The following ACAA1 variants were observed in gnomAD, a reference collection of about 807,000 sequenced individuals.
ACAA1 encodes the protein 3-ketoacyl-CoA thiolase, peroxisomal.
ACAA1 carries 44 observed loss-of-function variants against 48.8 expected under a neutral mutation model. That is an observed-to-expected ratio of 0.90 (90% confidence interval 0.71 to 1.16). The LOEUF is 1.16. ACAA1 is among the 50% of genes most tolerant of loss of function. The probability of loss-of-function intolerance (pLI) is 0.00; values close to 1 mark genes in which losing one functional copy is unlikely to be tolerated. For missense variants in ACAA1, 512 were observed against 562.3 expected, an observed-to-expected ratio of 0.91 and a Z score of 0.90; for synonymous variants, 233 against 226.5, an observed-to-expected ratio of 1.03 and a Z score of -0.26.
At chr3:38,123,810 C>T (rs570161120) in intron 11 of ACAA1, 2 of 152,146 alleles carry the variant, frequency 1.3e-5, no homozygotes, top group South Asian at 2.1e-4. Context: ...AGACCAGCCT[C>T]GCCAACATGG....
In ACAA1 at chr3:38,126,136, G is replaced by T. The variant is rs751479872; in HGVS notation, c.997+26C>A. ...AGCTGCAGGATCCAGGTGGGACCCA[G>T]ATACTATATGAAGGAGCCACCTTAC... On this transcript the variant is annotated intron_variant, in intron 9 of 11. Transcript: ENST00000333167. This position sits in a 1 kb window ranked among gnomAD's most constrained non-coding sequence, Gnocchi z 4.7. The T allele has an allele frequency of 1.2e-6, 2 of 1,607,730 alleles. No individual in the cohort carries two copies.
Position 38,136,615 on chromosome 3 carries a change from T to C in ACAA1, c.242A>G (p.Glu81Gly). The C allele has an allele frequency of 2.5e-6, 4 of 1,614,038 alleles. No homozygotes were observed. The highest frequency in any genetic ancestry group is 3.4e-6 in the Non-Finnish European group (4 of 1,180,000). Residue 81 changes from glutamate to glycine, a missense_variant, in exon 2 of 12, where the codon GAA (glutamate) becomes GGA (glycine). Physicochemically the swap from Glu to Gly is moderately conservative, Grantham distance 98. Coordinates refer to ENST00000333167, the MANE Select transcript of ACAA1 (RefSeq NM_001607.4). ...AVLKDVNLRP[E>G]QLGDICVGNV... Reference sequence around the variant, plus strand: ...ACCGACACAGATGTCCCCCAGCTGTTCCGGCCTCAGATTCACGTCCTTGAG... The same window carrying C: ...ACCGACACAGATGTCCCCCAGCTGTCCCGGCCTCAGATTCACGTCCTTGAG...
At chr3:38,136,518 G>T in intron 2 of ACAA1, 74 bp downstream of exon 2, 2 of 1,540,078 alleles carry the variant, frequency 1.3e-6, no homozygotes, top group East Asian at 2.3e-5. Context: ...AATTCGGGGC[G>T]GGGAGGTGAG....
At position 38,122,744 on chromosome 3, in the gene ACAA1, G is replaced by A. The variant is rs2125759637; in HGVS notation, c.*303C>T. 1 of 1,289,446 alleles carries A rather than the reference G, an allele frequency of 7.8e-7. No homozygotes were observed. Among genetic ancestry groups the A allele is most frequent in the South Asian group, 1.6e-5 (1 of 63,230 alleles). 79.9% of individuals were successfully genotyped at this position (1,289,446 alleles called of 1,614,324 possible). A position where few individuals can be genotyped will look rare whatever the true frequency, so the allele number is the denominator to read the frequency against. ...TTCATGCACTTTTACTATGCCCATTGCACTTCTCATCCATGGATTTGCCTT... is the reference window on the plus strand; with the variant it reads ...TTCATGCACTTTTACTATGCCCATTACACTTCTCATCCATGGATTTGCCTT... On this transcript the variant is annotated 3_prime_UTR_variant, in exon 12 of 12. Transcript: ENST00000333167.
At position 38,126,782 on chromosome 3, in the gene ACAA1, G is replaced by C. The variant is rs1354460512; in HGVS notation, c.627-82C>G. On this transcript the variant is annotated intron_variant, in intron 7 of 11. Transcript: ENST00000333167. This position sits in a 1 kb window ranked among gnomAD's most constrained non-coding sequence, Gnocchi z 4.7. The stretch of plus-strand genomic sequence containing the variant: ...CCCCCAACCCCTATCCATTTGGGTA[G>C]ACACAAGCTCAGGCTGCTAAATTCA... The C allele has an allele frequency of 1.3e-6, 2 of 1,543,128 alleles. No individual in the cohort carries two copies. The highest frequency in any genetic ancestry group is 1.8e-6 in the Non-Finnish European group (2 of 1,128,538).
intron 3 of ACAA1, 77 bp from the exon 4 acceptor site, chr3:38,132,082 T>A: frequency 7.5e-7 from 1 of 1,325,544 alleles, no homozygotes; most frequent in Middle Eastern, 1.8e-4. Context: ...CCTATGCTTC[T>A]AACTGCCCCC....
In ACAA1 at chr3:38,122,963, A is replaced by T; in HGVS notation, c.*84T>A. The T allele has an allele frequency of 7.1e-7, 1 of 1,399,212 alleles. No homozygotes were observed. Among genetic ancestry groups the T allele is most frequent in the South Asian group, 1.2e-5 (1 of 86,044 alleles). The allele number at this position is 1,399,212 out of a possible 1,614,324, so 86.7% of individuals were successfully genotyped here. On this transcript the variant is annotated 3_prime_UTR_variant, in exon 12 of 12. Coordinates refer to ENST00000333167, the MANE Select transcript of ACAA1 (RefSeq NM_001607.4). The stretch of plus-strand genomic sequence containing the variant: ...ACCACCACCAGTGCTGAGTTTTCCC[A>T]TGTGGTTTTGCTTTTGTGGTGTTAC...
At position 38,129,639 on chromosome 3, in the gene ACAA1, TG is replaced by T. The variant is rs902856061; in HGVS notation, c.447-252del. Among the ~76,000 whole-genome samples the T allele has an allele frequency of 9.2e-5, 14 of 152,212 alleles. No homozygotes were observed. The highest frequency in any genetic ancestry group is 3.4e-4 in the African/African-American group (14 of 41,450). ...ATAAACACTCCTGGGGGCAGGGCTA[TG>T]CTTCCCTATACACTGCTAAATCAGC... On this transcript the variant is annotated intron_variant, in intron 5 of 11. Transcript: ENST00000333167. The surrounding 1 kb of genome is among the most constrained non-coding windows in gnomAD (Gnocchi z 5.3).
At chr3:38,130,516 C>T (rs547932197) in intron 5 of ACAA1, among the ~76,000 whole-genome samples, 37 of 152,334 alleles carry the variant, frequency 2.4e-4, no homozygotes, top group South Asian at 8.3e-4. Flanking sequence ...GTGTTAAATA[C>T]TTGCTGATCA....
chr3:38,133,929 T>C, intron 3 of ACAA1, 23 bp downstream of exon 3: 2 of 1,613,956 alleles, frequency 1.2e-6, no homozygotes, highest in Non-Finnish European at 8.5e-7. Context: ...GGCCAACCCA[T>C]GGCTAGAACT....
chr3:38,129,526 A>AG lies in ACAA1; in HGVS notation c.447-139dup. On this transcript the variant is annotated intron_variant, in intron 5 of 11. Coordinates refer to ENST00000333167, the MANE Select transcript of ACAA1 (RefSeq NM_001607.4). The surrounding 1 kb of genome is among the most constrained non-coding windows in gnomAD (Gnocchi z 5.3). ...AGACCAGTGGGCCTCTGGGAGTCAC[A>AG]GGCAGGGCACTTGGCCAGCAAGGCC... 1.5e-6 allele frequency: 1 copy of AG among 670,746 alleles called. No homozygotes were observed. 41.5% of individuals were successfully genotyped at this position (670,746 alleles called of 1,614,324 possible).
At position 38,126,161 on chromosome 3, in the gene ACAA1, C is replaced by A. The variant is rs775037453; in HGVS notation, c.997+1G>T. The A allele has an allele frequency of 4.3e-6, 7 of 1,613,094 alleles. No individual in the cohort carries two copies. ...GATACTATATGAAGGAGCCACCTTACCTGCTTTTTGCAAAGCTACTGGGAT... is the reference window on the plus strand; with the variant it reads ...GATACTATATGAAGGAGCCACCTTAACTGCTTTTTGCAAAGCTACTGGGAT... On this transcript the variant is annotated splice_donor_variant, in intron 9 of 11. Transcript: ENST00000333167. LOFTEE classifies it high-confidence loss of function. This position sits in a 1 kb window ranked among gnomAD's most constrained non-coding sequence, Gnocchi z 4.7.
In ACAA1 at chr3:38,129,429, G is replaced by A; in HGVS notation, c.447-41C>T. 6.6e-7 allele frequency: 1 copy of A among 1,509,140 alleles called. No homozygotes were observed. Among genetic ancestry groups the A allele is most frequent in the Non-Finnish European group, 9.2e-7 (1 of 1,087,012 alleles). 93.5% of individuals were successfully genotyped at this position (1,509,140 alleles called of 1,614,324 possible). On this transcript the variant is annotated intron_variant, in intron 5 of 11. Transcript: ENST00000333167. This position sits in a 1 kb window ranked among gnomAD's most constrained non-coding sequence, Gnocchi z 5.3. ...AGGAGGAGAAGGTAAGGTGAACTGG[G>A]CCCTAGCAGGACTCCTCCAGAGATA...
Position 38,125,900 on chromosome 3 carries a change from C to G in ACAA1, c.998-19G>C. On this transcript the variant is annotated intron_variant, in intron 9 of 11. Transcript: ENST00000333167. ...GTCAGCCCTGCAGACAAGGTAAAGA[C>G]CTGAGCTGACACACTGGCCCTCTGC... The G allele has an allele frequency of 6.2e-7, 1 of 1,614,098 alleles. No individual in the cohort carries two copies. The highest frequency in any genetic ancestry group is 8.5e-7 in the Non-Finnish European group (1 of 1,180,018).
intron 11 of ACAA1, chr3:38,123,410 T>C (rs1210170422): frequency 2.8e-6 from 1 of 351,870 alleles, no homozygotes; most frequent in African/African-American, 2.1e-5. Flanking sequence ...GGATCGATCA[T>C]AATCCCAAAA....
chr3:38,126,520 A>G lies in ACAA1; in HGVS notation c.807T>C (p.Ser269=). 6.2e-7 allele frequency: 1 copy of G among 1,614,228 alleles called. No individual in the cohort carries two copies. The highest frequency in any genetic ancestry group is 1.1e-5 in the South Asian group (1 of 91,088). The change falls in exon 8 of 12, where the codon TCT becomes TCC. Residue 269 remains serine, a synonymous_variant. Coordinates refer to ENST00000333167, the MANE Select transcript of ACAA1 (RefSeq NM_001607.4). This position sits in a 1 kb window ranked among gnomAD's most constrained non-coding sequence, Gnocchi z 4.7. ...CCGGACCAGTCTCACCAGCTGTGGT[A>G]GAACCATCTTTCTTGAAGGCAGGCT... The part of the protein sequence containing the change: ...KLKPAFKKDG[S]TTAGNSSQVS...
rs1048707074 is a variant in ACAA1 at position 38,136,887 on chromosome 3, C to T, written c.149G>A (p.Arg50Gln). The change falls in exon 1 of 12, where the codon CGG becomes CAG. Residue 50 changes from arginine (R) to glutamine (Q), a missense_variant. Physicochemically the swap from Arg to Gln is conservative, Grantham distance 43. Coordinates refer to ENST00000333167, the MANE Select transcript of ACAA1 (RefSeq NM_001607.4). ...CACCTTGAAGCCGCCGCGGCCCGCC[C>T]GGCAGATGGCCGTGCGCCGCCCGTG... Reference protein sequence around the residue: ...VVHGRRTAICRAGRGGFKDTT... With the variant: ...VVHGRRTAICQAGRGGFKDTT... The T allele has an allele frequency of 2.0e-6, 3 of 1,527,490 alleles. No individual in the cohort carries two copies. The highest frequency in any genetic ancestry group is 2.6e-6 in the Non-Finnish European group (3 of 1,142,212). The allele number at this position is 1,527,490 out of a possible 1,614,324, so 94.6% of individuals were successfully genotyped here. A position where few individuals can be genotyped will look rare whatever the true frequency, so the allele number is the denominator to read the frequency against.
intron 3 of ACAA1, chr3:38,133,611 G>A (rs1343538377): frequency 9.8e-6 from 3 of 306,518 alleles, no homozygotes; most frequent in Non-Finnish European, 1.9e-5. Context: ...AGCTCAACTA[G>A]TAAAAAGGCT....
chr3:38,122,881 T>C lies in ACAA1; in HGVS notation c.*166A>G. On this transcript the variant is annotated 3_prime_UTR_variant, in exon 12 of 12. Transcript: ENST00000333167. ...CAACACCCCACCCACTCCTATACCA[T>C]GTCATCAGTGTTCACATTTTCCAAA... 1.3e-6 allele frequency: 1 copy of C among 793,638 alleles called. No homozygotes were observed. Among genetic ancestry groups the C allele is most frequent in the Non-Finnish European group, 2.0e-6 (1 of 500,096 alleles). 49.2% of individuals were successfully genotyped at this position (793,638 alleles called of 1,614,324 possible).
Sources: gnomAD v4.1 joint callset for allele counts (sites outside exome capture counted in the v4.1 genomes callset) on GRCh38, gnomAD v4.1.1 for gene constraint, Gnocchi (gnomAD v3.1) non-coding constraint, MANE v1.5 for transcripts, NCBI Gene and HGNC (gene_info 2026-07-23, HGNC 2026-07-21) for gene names.